The following KANK1 variants were observed in gnomAD, a reference collection of about 807,000 sequenced individuals.
KANK1 encodes KN motif and ankyrin repeat domain-containing protein 1.
A neutral mutation model predicts 106.2 loss-of-function variants in KANK1; 109 were observed. That is an observed-to-expected ratio of 1.03 (90% CI 0.88 to 1.20). KANK1 has a LOEUF of 1.20. KANK1 is among the 50% of genes most tolerant of loss of function. The probability of loss-of-function intolerance (pLI) is 0.00; values close to 1 mark genes in which losing one functional copy is unlikely to be tolerated. For missense variants in KANK1, 2,399 were observed against 1,710.7 expected (o/e 1.40, Z -7.10); for synonymous variants, 873 against 652.2 (o/e 1.34, Z -5.16).
chr9:522,311 A>G (rs1304617467), intron 1 of KANK1, among the ~76,000 whole-genome samples: 1 of 151,794 alleles, frequency 6.6e-6, no homozygotes, highest in Non-Finnish European at 1.5e-5. Flanking sequence ...AAGGTTGGGT[A>G]CAGATACATA....
chr9:671,366 CCGGGCG>C (rs1322218312), intron 1 of KANK1, among the ~76,000 whole-genome samples: 1 of 151,638 alleles, frequency 6.6e-6, no homozygotes, highest in Non-Finnish European at 1.5e-5. Context: ...TGTACTGGGG[CCGGGCG>C]CGGTGGCTCA....
chr9:527,408 TCTCCTTCCTCAGC>T (rs142642634), intron 1 of KANK1, among the ~76,000 whole-genome samples: 59,466 of 151,510 alleles, frequency 0.39, 13,522 homozygotes, highest in African/African-American at 0.6. Flanking sequence ...TTGAAGTGAT[TCTCCTTCCTCAGC>T]CCCTCAAGTA....
At chr9:681,409 T>C (rs1817528226) in intron 2 of KANK1, among the ~76,000 whole-genome samples, 1 of 152,118 alleles carries the variant, frequency 6.6e-6, no homozygotes, top group African/African-American at 2.4e-5. Flanking sequence ...AGTCTGCTTT[T>C]TCCCCAAGTT....
intron 1 of KANK1, among the ~76,000 whole-genome samples, chr9:654,137 C>T (rs529964312): frequency 2.0e-5 from 3 of 152,072 alleles, no homozygotes; most frequent in South Asian, 4.1e-4. Context: ...TGAAAATGAC[C>T]ACATGCAGCA....
At chr9:548,638 A>G (rs1489409506) in intron 1 of KANK1, among the ~76,000 whole-genome samples, 1 of 152,196 alleles carries the variant, frequency 6.6e-6, no homozygotes, top group Non-Finnish European at 1.5e-5. Flanking sequence ...CAACTAACCC[A>G]TCGTGTATTT....
chr9:510,308 C>T (rs1049136332), intron 1 of KANK1, among the ~76,000 whole-genome samples: 1 of 151,994 alleles, frequency 6.6e-6, no homozygotes, highest in African/African-American at 2.4e-5. Flanking sequence ...AGGTATTGAG[C>T]CAAGAGCTTG....
intron 7 of KANK1, among the ~76,000 whole-genome samples, chr9:736,515 C>A (rs1228856907): frequency 6.6e-6 from 1 of 151,960 alleles, no homozygotes; most frequent in Non-Finnish European, 1.5e-5. Flanking sequence ...TGAGACCAGC[C>A]TGGGCAACAT....
At chr9:519,561 G>A (rs1328018744) in intron 1 of KANK1, among the ~76,000 whole-genome samples, 1 of 151,714 alleles carries the variant, frequency 6.6e-6, no homozygotes, top group Non-Finnish European at 1.5e-5. Flanking sequence ...AGATTTCCAT[G>A]CAGAGCCTAA....
In KANK1 at chr9:534,012, A is replaced by T. The variant is rs79022678; in HGVS notation, c.-84+29258A>T. Among the ~76,000 whole-genome samples, 178 of 152,324 alleles carry T rather than the reference A, an allele frequency of 1.2e-3. 7 individuals carry two copies. In the East Asian group the frequency reaches 0.029, roughly 25 times the overall value. On this transcript the variant is annotated intron_variant, in intron 1 of 11. Transcript: ENST00000382297. ...ATGTAAGTCACCCAGACTTTTTGTC[A>T]TTCTGCATTTTTATTCACAGGGATG...
intron 3 of KANK1, among the ~76,000 whole-genome samples, chr9:476,161 G>T (rs1038015165): frequency 6.8e-6 from 1 of 146,542 alleles, no homozygotes; most frequent in Non-Finnish European, 1.5e-5. Flanking sequence ...AAAAAAAAAA[G>T]TTAGAAAACT....
chr9:656,871 C>CT (rs199749673), intron 1 of KANK1, among the ~76,000 whole-genome samples: 18,769 of 151,902 alleles, frequency 0.12, 1,443 homozygotes, highest in Admixed American at 0.16. Flanking sequence ...GCTACTTCTA[C>CT]TTTTTTCCTT....
At chr9:615,776 T>C (rs923419669) in intron 1 of KANK1, among the ~76,000 whole-genome samples, 7 of 152,182 alleles carry the variant, frequency 4.6e-5, no homozygotes, top group African/African-American at 1.7e-4. Flanking sequence ...AGACAGAAGA[T>C]AGTGGTAGAG....
intron 1 of KANK1, among the ~76,000 whole-genome samples, chr9:573,608 G>GT (rs1162871853): frequency 6.6e-6 from 1 of 152,040 alleles, no homozygotes; most frequent in Non-Finnish European, 1.5e-5. Context: ...ATATAAGTCG[G>GT]TATCAGTGAG....
At chr9:695,306 T>G (rs1351345289) in intron 2 of KANK1, among the ~76,000 whole-genome samples, 1 of 152,112 alleles carries the variant, frequency 6.6e-6, no homozygotes, top group African/African-American at 2.4e-5. Context: ...GGCACTCACC[T>G]TTGCCCTCAT....
intron 1 of KANK1, among the ~76,000 whole-genome samples, chr9:574,057 T>G (rs2134989292): frequency 6.6e-6 from 1 of 152,346 alleles, no homozygotes; most frequent in East Asian, 1.9e-4. Context: ...GGATTTGTCT[T>G]TATTGTACTG....
intron 1 of KANK1, among the ~76,000 whole-genome samples, chr9:538,129 G>T (rs141145506): frequency 7.8e-4 from 118 of 151,948 alleles, no homozygotes; most frequent in South Asian, 7.5e-3. Flanking sequence ...TTGGGAGAGC[G>T]GAAAGAACAC....
At chr9:610,939 A>C (rs145646212) in intron 1 of KANK1, among the ~76,000 whole-genome samples, 54 of 152,318 alleles carry the variant, frequency 3.5e-4, no homozygotes, top group African/African-American at 1.2e-3. Context: ...CCGTAGAAGA[A>C]GAATGAAATG....
chr9:630,395 A>G (rs1322993354), intron 1 of KANK1, among the ~76,000 whole-genome samples: 1 of 151,832 alleles, frequency 6.6e-6, no homozygotes, highest in Admixed American at 6.6e-5. Context: ...CTAAAAGTTC[A>G]AAAAAATTAG....
rs1390856068 is a variant in KANK1, at chr9:574,840, G to C, written c.-84+70086G>C. The stretch of plus-strand genomic sequence containing the variant: ...ACTGCACTCCAACTTAGGTGACAGA[G>C]TGAGACTCCGTCTCAAAAAAAAAAA... On this transcript the variant is annotated intron_variant, in intron 1 of 11. Transcript: ENST00000382297. Among the ~76,000 whole-genome samples the C allele has an allele frequency of 3.5e-5, 5 of 143,836 alleles. No individual in the cohort carries two copies. The East Asian group carries it at 6.1e-4, about 17-fold the overall frequency. 94.4% of individuals were successfully genotyped at this position (143,836 alleles called of 152,430 possible).
Sources: allele counts gnomAD v4.1 joint callset (sites outside exome capture counted in the v4.1 genomes callset), GRCh38; gene constraint gnomAD v4.1.1; transcripts MANE v1.5; gene names NCBI Gene and HGNC (gene_info 2026-07-23, HGNC 2026-07-21).